Variants in SENP6 observed in about 807,000 individuals in gnomAD.
SENP6 encodes the protein SUMO specific peptidase 6.
In SENP6, 41 loss-of-function variants were observed where a neutral mutation model predicts 134.5. The observed-to-expected ratio is 0.30, with a 90% CI of 0.24 to 0.40. The LOEUF is 0.40. SENP6 is among the 10% of genes least tolerant of loss of function. SENP6 has a pLI of 1.00. For missense variants in SENP6, 1,248 were observed against 1,312.5 expected, an observed-to-expected ratio of 0.95 and a Z score of 0.76; for synonymous variants, 395 against 429.8, an observed-to-expected ratio of 0.92 and a Z score of 1.00.
chr6:75,698,565 C>T (rs1774809281), intron 18 of SENP6, among the ~76,000 whole-genome samples: 1 of 151,982 alleles, frequency 6.6e-6, no homozygotes, highest in Non-Finnish European at 1.5e-5. Flanking sequence ...GAACTCTTGG[C>T]CTCAAGCCAT....
chr6:75,613,390 T>C (rs2149822066), intron 1 of SENP6, among the ~76,000 whole-genome samples: 1 of 152,278 alleles, frequency 6.6e-6, no homozygotes, highest in East Asian at 1.9e-4. Context: ...CTGTATGGAC[T>C]ACACAGTGTA....
intron 16 of SENP6, among the ~76,000 whole-genome samples, chr6:75,689,925 CT>C (rs1238541798): frequency 6.6e-6 from 1 of 152,098 alleles, no homozygotes; most frequent in East Asian, 1.9e-4. Context: ...AAAGCAGCGT[CT>C]TTTTGTTTTG....
chr6:75,626,656 A>G (rs140565296), intron 3 of SENP6, among the ~76,000 whole-genome samples: 131 of 152,282 alleles, frequency 8.6e-4, no homozygotes, highest in African/African-American at 3.1e-3. Flanking sequence ...ATAGATTCCT[A>G]GAATTGAAGT....
chr6:75,708,060 TTTCTC>T (rs1301373021), intron 19 of SENP6, among the ~76,000 whole-genome samples: 1 of 152,136 alleles, frequency 6.6e-6, no homozygotes, highest in Non-Finnish European at 1.5e-5. Context: ...TTATGTATCT[TTTCTC>T]TTCTCCTTTT....
intron 6 of SENP6, 130 bp from the exon 7 acceptor site, chr6:75,647,601 G>C (rs530419617): frequency 6.2e-6 from 3 of 484,954 alleles, no homozygotes; most frequent in African/African-American, 4.0e-5. Context: ...TTATTTTATA[G>C]TATCACTTTT....
At chr6:75,645,078 G>A (rs957736088) in intron 6 of SENP6, among the ~76,000 whole-genome samples, 1 of 152,130 alleles carries the variant, frequency 6.6e-6, no homozygotes, top group African/African-American at 2.4e-5. Context: ...TAAACAGCTT[G>A]TAAAAATCTT....
At chr6:75,648,938 A>G (rs958365064) in intron 7 of SENP6, among the ~76,000 whole-genome samples, 4 of 152,196 alleles carry the variant, frequency 2.6e-5, no homozygotes, top group African/African-American at 9.7e-5. Flanking sequence ...GTACATTACT[A>G]TATTCTTGCT....
chr6:75,662,697 T>C (rs758393627), intron 8 of SENP6, among the ~76,000 whole-genome samples: 5 of 152,210 alleles, frequency 3.3e-5, no homozygotes, highest in Non-Finnish European at 5.9e-5. Flanking sequence ...TGGTAATAGC[T>C]CAGAACATAC....
chr6:75,613,108 TG>T (rs1445293739), intron 1 of SENP6, among the ~76,000 whole-genome samples: 1 of 141,190 alleles, frequency 7.1e-6, no homozygotes, highest in Non-Finnish European at 1.5e-5. Context: ...AGTGAGATTC[TG>T]TCTTTAAAAA....
intron 21 of SENP6, 79 bp downstream of exon 21, chr6:75,711,495 T>A (rs529660279): frequency 3.3e-5 from 29 of 880,924 alleles, no homozygotes; most frequent in Middle Eastern, 3.3e-4. Context: ...GTTTTTTTTT[T>A]AAATAAATAC....
chr6:75,663,823 G>T lies in SENP6; in HGVS notation c.994+305G>T, dbSNP rs1197637022. Among the ~76,000 whole-genome samples, 10 of 50,470 alleles carry T rather than the reference G, an allele frequency of 2.0e-4. No individual in the cohort carries two copies. In the East Asian group the frequency reaches 5.8e-3, roughly 29 times the overall value. 33.1% of individuals were successfully genotyped at this position (50,470 alleles called of 152,430 possible). A position where few individuals can be genotyped will look rare whatever the true frequency, so the allele number is the denominator to read the frequency against. On this transcript the variant is annotated intron_variant, in intron 9 of 23. Coordinates refer to ENST00000447266, the MANE Select transcript of SENP6 (RefSeq NM_015571.4). The stretch of plus-strand genomic sequence containing the variant: ...CTGATAGTGGGTTTTTTTTTTTGTG[G>T]GGGGGGGGGTGCCTAAAATAACATA...
chr6:75,711,721 G>T (rs1466504742), intron 21 of SENP6, among the ~76,000 whole-genome samples: 1 of 152,106 alleles, frequency 6.6e-6, no homozygotes, highest in Non-Finnish European at 1.5e-5. Context: ...CGCCCAGGCT[G>T]GAGTGCAGTG....
In SENP6 at chr6:75,672,754, A is replaced by C. The variant is rs1772773418; in HGVS notation, c.1392+2034A>C. On this transcript the variant is annotated intron_variant, in intron 11 of 23. Transcript: ENST00000447266. ...TGTTTAATGTTTTATAAAATTCTACACTTGCTTATTATTAGATAATTTAAT... is the reference window on the plus strand; with the variant it reads ...TGTTTAATGTTTTATAAAATTCTACCCTTGCTTATTATTAGATAATTTAAT... 3.3e-5 allele frequency among the ~76,000 whole-genome samples: 5 copies of C among 152,310 alleles called. No individual in the cohort carries two copies. The South Asian group carries it at 1.0e-3, about 32-fold the overall frequency.
Position 75,668,055 on chromosome 6 carries a change from T to C in SENP6, c.1224+1114T>C, listed in dbSNP as rs184083552. Among the ~76,000 whole-genome samples, 403 of 152,272 alleles carry C rather than the reference T, an allele frequency of 2.6e-3. 2 individuals are homozygous for C. Among genetic ancestry groups the C allele is most frequent in the African/African-American group, 8.1e-3 (338 of 41,566 alleles). The stretch of plus-strand genomic sequence containing the variant: ...GTACAGATACAAATATGGGAACATA[T>C]ATACTTGGTTATTAAGATGGGAACC... On this transcript the variant is annotated intron_variant, in intron 10 of 23. Transcript: ENST00000447266.
chr6:75,705,988 G>A (rs1775384381), intron 19 of SENP6, among the ~76,000 whole-genome samples: 1 of 125,518 alleles, frequency 8.0e-6, no homozygotes, highest in Non-Finnish European at 1.7e-5. Flanking sequence ...CCAGGCTGGA[G>A]TGCAGTGGCG....
At chr6:75,625,136 C>CTTTGTT in intron 3 of SENP6, among the ~76,000 whole-genome samples, 1 of 115,808 alleles carries the variant, frequency 8.6e-6, no homozygotes, top group Non-Finnish European at 1.7e-5. Flanking sequence ...TTTTTTCAGA[C>CTTTGTT]GGAGTCTGGC....
chr6:75,713,724 TC>T lies in SENP6; in HGVS notation c.3030del (p.Asp1012MetfsTer3). ...EVKKGSKRSF[S>X]KDVMKGSNPK... ...TAAAAAAGGAAGCAAAAGAAGTTTT[TC>T]CAAAGATGTTATGAAGGGCTCTAAT... On this transcript the variant is annotated frameshift_variant, in exon 23 of 24. Coordinates refer to ENST00000447266, the MANE Select transcript of SENP6 (RefSeq NM_015571.4). LOFTEE classifies it high-confidence loss of function. 1 of 1,613,356 alleles carries T rather than the reference TC, an allele frequency of 6.2e-7. No homozygotes were observed.
chr6:75,602,631 GC>G, intron 1 of SENP6, 55 bp downstream of exon 1: 3 of 1,527,236 alleles, frequency 2.0e-6, no homozygotes, highest in Non-Finnish European at 1.8e-6. Flanking sequence ...GGAAAACGTG[GC>G]CCCCAGAACC....
chr6:75,680,476 A>T (rs1002469304), intron 16 of SENP6, among the ~76,000 whole-genome samples: 1 of 152,180 alleles, frequency 6.6e-6, no homozygotes, highest in Non-Finnish European at 1.5e-5. Context: ...ATACGGACAG[A>T]TCCTGGAGAT....
Sources: allele counts gnomAD v4.1 joint callset (sites outside exome capture counted in the v4.1 genomes callset), GRCh38; gene constraint gnomAD v4.1.1; transcripts MANE v1.5; gene names NCBI Gene and HGNC (gene_info 2026-07-23, HGNC 2026-07-21).